The following ASXL3 variants were observed in gnomAD, a reference collection of about 807,000 sequenced individuals.
ASXL3 encodes putative Polycomb group protein ASXL3.
In ASXL3, 34 loss-of-function variants were observed where a neutral mutation model predicts 170.6. The observed-to-expected ratio is 0.20, with a 90% CI of 0.15 to 0.27. The LOEUF (loss-of-function observed/expected upper bound fraction) is 0.27, where lower values mean the gene tolerates loss of function less well. Among genes scored for constraint, ASXL3 ranks in the 10% least tolerant of loss-of-function variants. The pLI is 1.00. For missense variants in ASXL3, 2,592 were observed against 2,695.3 expected, an observed-to-expected ratio of 0.96 and a Z score of 0.85; for synonymous variants, 1,002 against 989.1, an observed-to-expected ratio of 1.01 and a Z score of -0.24.
At chr18:33,676,433 G>C (rs1020135120) in intron 7 of ASXL3, among the ~76,000 whole-genome samples, 1 of 151,932 alleles carries the variant, frequency 6.6e-6, no homozygotes, top group Non-Finnish European at 1.5e-5. Flanking sequence ...GAATAGACTT[G>C]GTCACGGGGT....
intron 2 of ASXL3, chr18:33,615,013 A>T (rs982083869): frequency 1.3e-5 from 2 of 152,120 alleles, no homozygotes; most frequent in African/African-American, 4.8e-5. Context: ...ACTTAAAATC[A>T]TCAGCTACAT....
intron 8 of ASXL3, among the ~76,000 whole-genome samples, chr18:33,723,725 C>A (rs559865800): frequency 1.1e-4 from 17 of 152,216 alleles, no homozygotes; most frequent in African/African-American, 4.1e-4. Flanking sequence ...CTGCTATGGG[C>A]AAAATGCTAT....
intron 2 of ASXL3, among the ~76,000 whole-genome samples, chr18:33,641,028 T>C (rs1438272071): frequency 6.6e-6 from 1 of 152,104 alleles, no homozygotes; most frequent in Non-Finnish European, 1.5e-5. Context: ...CATTATGTTA[T>C]ATATAAAGGA....
rs1267196908 is a variant in ASXL3 at position 33,750,705 on chromosome 18, AAC to A, written c.*4114_*4115del. On this transcript the variant is annotated 3_prime_UTR_variant, in exon 12 of 12. Transcript: ENST00000269197. ...CAACCCAAACATAACATGCATGACA[AAC>A]ACAGATTGGGGGCGAAGGCCCTGAA... The A allele has an allele frequency of 6.6e-6, 1 of 152,234 alleles. No individual in the cohort carries two copies. Among genetic ancestry groups the A allele is most frequent in the Non-Finnish European group, 1.5e-5 (1 of 68,052 alleles). The allele number at this position is 152,234 out of a possible 1,614,324, so 9.4% of individuals were successfully genotyped here. A position where few individuals can be genotyped will look rare whatever the true frequency, so the allele number is the denominator to read the frequency against.
intron 8 of ASXL3, among the ~76,000 whole-genome samples, chr18:33,723,935 G>A (rs1229719220): frequency 6.6e-6 from 1 of 152,104 alleles, no homozygotes; most frequent in Admixed American, 6.5e-5. Context: ...CTCACTGAAA[G>A]CTCAGATTAC....
At chr18:33,670,494 C>T (rs999539426) in intron 5 of ASXL3, among the ~76,000 whole-genome samples, 179 bp from the exon 6 acceptor site, 27 of 152,044 alleles carry the variant, frequency 1.8e-4, no homozygotes, top group Admixed American at 5.9e-4. Flanking sequence ...TGATTTTATG[C>T]TTTTGAGGGA....
intron 10 of ASXL3, 76 bp downstream of exon 10, chr18:33,734,491 T>C (rs1217592929): frequency 2.3e-6 from 2 of 860,192 alleles, no homozygotes; most frequent in Non-Finnish European, 3.4e-6. Flanking sequence ...CATAGCACAC[T>C]CATATGCTGT....
At chr18:33,633,836 T>G (rs1272195533) in intron 2 of ASXL3, among the ~76,000 whole-genome samples, 1 of 95,846 alleles carries the variant, frequency 1.0e-5, no homozygotes, top group Non-Finnish European at 1.9e-5. Context: ...ACAGCAAGAC[T>G]CCATCTCAAA....
intron 8 of ASXL3, among the ~76,000 whole-genome samples, chr18:33,698,062 C>G (rs1310607989): frequency 6.6e-6 from 1 of 152,044 alleles, no homozygotes; most frequent in Non-Finnish European, 1.5e-5. Flanking sequence ...GTAGGTATCC[C>G]TCCTGGATTT....
At chr18:33,725,263 T>C (rs139067800) in intron 8 of ASXL3, among the ~76,000 whole-genome samples, 1 of 152,254 alleles carries the variant, frequency 6.6e-6, no homozygotes, top group Non-Finnish European at 1.5e-5. Flanking sequence ...TTGATTTTTG[T>C]ATTGGACACA....
Position 33,744,645 on chromosome 18 carries a change from T to C in ASXL3, c.4797T>C (p.Asn1599=), listed in dbSNP as rs1468244014. The change falls in exon 12 of 12, where the codon AAT becomes AAC. Residue 1599 remains asparagine (N), a synonymous_variant. Coordinates refer to ENST00000269197, the MANE Select transcript of ASXL3 (RefSeq NM_030632.3). ...GTGAAGCAGACACAACCTGTAGCAA[T>C]CAGTATAACCCAAGTAACCGGATTT... ...FKSEADTTCS[N]QYNPSNRICW... The C allele has an allele frequency of 1.2e-6, 2 of 1,606,570 alleles. No individual in the cohort carries two copies. The highest frequency in any genetic ancestry group is 1.7e-5 in the Admixed American group (1 of 58,694).
intron 8 of ASXL3, among the ~76,000 whole-genome samples, chr18:33,708,295 C>G (rs1423384634): frequency 6.6e-6 from 1 of 152,084 alleles, no homozygotes; most frequent in Non-Finnish European, 1.5e-5. Context: ...AGTTGTAGAA[C>G]TTTTCTATCG....
chr18:33,584,701 C>T (rs2065021738), intron 1 of ASXL3, among the ~76,000 whole-genome samples: 1 of 152,078 alleles, frequency 6.6e-6, no homozygotes, highest in South Asian at 2.1e-4. Flanking sequence ...CTAAAATACC[C>T]TCTTGAGATT....
At chr18:33,616,767 G>A (rs2065429284) in intron 2 of ASXL3, 2 of 152,112 alleles carry the variant, frequency 1.3e-5, no homozygotes, top group South Asian at 2.1e-4. Context: ...CTGCCTTCTT[G>A]CTGTGTCATC....
chr18:33,685,007 A>T (rs929821216), intron 8 of ASXL3, among the ~76,000 whole-genome samples: 1 of 152,158 alleles, frequency 6.6e-6, no homozygotes, highest in African/African-American at 2.4e-5. Context: ...TTGGAAGTTG[A>T]CTTTGGAAGA....
chr18:33,628,245 A>G (rs1340716576), intron 2 of ASXL3, among the ~76,000 whole-genome samples: 1 of 152,060 alleles, frequency 6.6e-6, no homozygotes, highest in African/African-American at 2.4e-5. Context: ...AAGATCTATT[A>G]TTTGGCCTCG....
intron 8 of ASXL3, among the ~76,000 whole-genome samples, chr18:33,710,117 G>T (rs1010604440): frequency 6.6e-6 from 1 of 152,176 alleles, no homozygotes; most frequent in Non-Finnish European, 1.5e-5. Flanking sequence ...TTAGTCAGGC[G>T]TGGTGGCACA....
chr18:33,671,935 A>G lies in ASXL3; in HGVS notation c.715+69A>G. 6.6e-6 allele frequency: 9 copies of G among 1,371,044 alleles called. No homozygotes were observed. The South Asian group carries it at 1.4e-4, about 22-fold the overall frequency. The allele number at this position is 1,371,044 out of a possible 1,614,324, so 84.9% of individuals were successfully genotyped here. A position where few individuals can be genotyped will look rare whatever the true frequency, so the allele number is the denominator to read the frequency against. On this transcript the variant is annotated intron_variant, in intron 7 of 11. Coordinates refer to ENST00000269197, the MANE Select transcript of ASXL3 (RefSeq NM_030632.3). ...GTGTTTTCTCAAATAAATTATCTAA[A>G]ATTTTCAGAACATTTTTTAATGATT... is the stretch of plus-strand genomic sequence containing the variant.
At chr18:33,631,915 A>G (rs549785915) in intron 2 of ASXL3, among the ~76,000 whole-genome samples, 1 of 152,308 alleles carries the variant, frequency 6.6e-6, no homozygotes, top group South Asian at 2.1e-4. Flanking sequence ...AAAATGATAT[A>G]AATATTGTTA....
Sources: allele counts gnomAD v4.1 joint callset (sites outside exome capture counted in the v4.1 genomes callset), GRCh38; gene constraint gnomAD v4.1.1; transcripts MANE v1.5; gene names NCBI Gene and HGNC (gene_info 2026-07-23, HGNC 2026-07-21).